The following LGALS8 variants were observed in gnomAD, a reference collection of about 807,000 sequenced individuals.
The protein encoded by LGALS8 is galectin-8.
Under a neutral mutation model 35.9 loss-of-function variants are expected in LGALS8, and 30 were observed. The ratio of observed to expected loss-of-function variants is 0.83; its 90% CI spans 0.62 to 1.13. LGALS8 has a LOEUF of 1.13. Ranked by LOEUF, LGALS8 falls within the 50% of genes most tolerant of loss-of-function variation. The pLI, the probability that LGALS8 is intolerant of heterozygous loss-of-function variation, is 0.00. For missense variants in LGALS8, 366 were observed against 388.7 expected, an observed-to-expected ratio of 0.94 and a Z score of 0.49; for synonymous variants, 138 against 136.1, an observed-to-expected ratio of 1.01 and a Z score of -0.10.
Position 236,548,181 on chromosome 1 carries a change from C to G in LGALS8, c.*20C>G, listed in dbSNP as rs113836554. The G allele has an allele frequency of 8.1e-6, 13 of 1,603,042 alleles. No individual in the cohort carries two copies. In the African/African-American group the frequency reaches 1.5e-4, roughly 18 times the overall value. ...TGGTAGCCTACCTACACAGCTGCTA[C>G]AAAAACCAAAATACAGAATGGCTTC... On this transcript the variant is annotated 3_prime_UTR_variant, in exon 10 of 10. Transcript: ENST00000366584.
chr1:236,532,567 C>T (rs558644269), intron 2 of LGALS8, among the ~76,000 whole-genome samples: 126 of 152,284 alleles, frequency 8.3e-4, no homozygotes, highest in African/African-American at 2.9e-3. Context: ...CCAGGCCAGG[C>T]GCGGTGGCTC....
Position 236,549,098 on chromosome 1 carries a change from C to T in LGALS8, c.*937C>T, listed in dbSNP as rs1000831805. On this transcript the variant is annotated 3_prime_UTR_variant, in exon 10 of 10. Coordinates refer to ENST00000366584, the MANE Select transcript of LGALS8 (RefSeq NM_201544.4). Reference sequence around the variant, plus strand: ...GGCACTATCAGAAAGTGTACGCCAACTAAGGGACCCACAAAGCAGGCAGAG... The same window carrying T: ...GGCACTATCAGAAAGTGTACGCCAATTAAGGGACCCACAAAGCAGGCAGAG... The T allele has an allele frequency of 6.0e-5, 24 of 397,902 alleles. No individual in the cohort carries two copies. The highest frequency in any genetic ancestry group is 6.2e-5 in the Non-Finnish European group (14 of 225,780). The allele number at this position is 397,902 out of a possible 1,614,324, so 24.6% of individuals were successfully genotyped here.
At chr1:236,528,210 G>A (rs993229973) in intron 2 of LGALS8, among the ~76,000 whole-genome samples, 2 of 151,916 alleles carry the variant, frequency 1.3e-5, no homozygotes, top group African/African-American at 2.4e-5. Context: ...GCGAAACTCC[G>A]TCTCTACTTA....
intron 2 of LGALS8, among the ~76,000 whole-genome samples, chr1:236,534,072 T>G (rs1444867872): frequency 6.6e-6 from 1 of 152,228 alleles, no homozygotes; most frequent in Non-Finnish European, 1.5e-5. Flanking sequence ...CATTGTGGCT[T>G]CTTCTTGTCA....
rs762545035 is a variant in LGALS8 at position 236,538,963 on chromosome 1, C to T, written c.219C>T (p.Ala73=). Residue 73 remains alanine, a synonymous_variant, in exon 4 of 10, where the codon GCC becomes GCT. Coordinates refer to ENST00000366584, the MANE Select transcript of LGALS8 (RefSeq NM_201544.4). The part of the protein sequence containing the change: ...AFHFNPRFKR[A]GCIVCNTLIN... ...ATTTCAATCCTCGTTTCAAAAGGGC[C>T]GGCTGCATTGTTTGCAATACTTTGA... The T allele has an allele frequency of 1.2e-5, 19 of 1,613,884 alleles. No homozygotes were observed. Among genetic ancestry groups the T allele is most frequent in the Middle Eastern group, 3.3e-4 (2 of 6,032 alleles).
chr1:236,541,429 C>G (rs1157684431), intron 5 of LGALS8: 4 of 411,346 alleles, frequency 9.7e-6, no homozygotes, highest in Non-Finnish European at 1.3e-5. Flanking sequence ...TTTGCACTCT[C>G]AACAGCCATG....
At chr1:236,520,453 C>T (rs1298288088), upstream of LGALS8, among the ~76,000 whole-genome samples, 1 of 151,736 alleles carries the variant, frequency 6.6e-6, no homozygotes, top group African/African-American at 2.4e-5. Flanking sequence ...TATAATGCTG[C>T]TTCTCCATTC....
At position 236,550,730 on chromosome 1, in the gene LGALS8, A is replaced by C; in HGVS notation, c.*2569A>C. 1 of 555,190 alleles carries C rather than the reference A, an allele frequency of 1.8e-6. No homozygotes were observed. Among genetic ancestry groups the C allele is most frequent in the Non-Finnish European group, 3.2e-6 (1 of 316,756 alleles). The allele number at this position is 555,190 out of a possible 1,614,324, so 34.4% of individuals were successfully genotyped here. A position where few individuals can be genotyped will look rare whatever the true frequency, so the allele number is the denominator to read the frequency against. On this transcript the variant is annotated 3_prime_UTR_variant, in exon 10 of 10. Coordinates refer to ENST00000366584, the MANE Select transcript of LGALS8 (RefSeq NM_201544.4). ...TCTATACGATAGGCAGGAGAGGCTT[A>C]TGTGGCAGCACAAGCCAGGTGGGGA...
At position 236,552,092 on chromosome 1, in the gene LGALS8, A is replaced by C; in HGVS notation, c.*3931A>C. ...TCAGCCAGTGCTAACACAGTAATCA[A>C]AGCAGCAAATCGAACCTGAAAGGGA... is the stretch of plus-strand genomic sequence containing the variant. On this transcript the variant is annotated 3_prime_UTR_variant, in exon 10 of 10. Coordinates refer to ENST00000366584, the MANE Select transcript of LGALS8 (RefSeq NM_201544.4). 1 of 1,611,868 alleles carries C rather than the reference A, an allele frequency of 6.2e-7. No homozygotes were observed. Among genetic ancestry groups the C allele is most frequent in the Middle Eastern group, 1.7e-4 (1 of 6,056 alleles).
rs367816436 is a variant in LGALS8 at position 236,551,029 on chromosome 1, T to G, written c.*2868T>G. The G allele has an allele frequency of 1.4e-6, 2 of 1,466,470 alleles. No individual in the cohort carries two copies. Among genetic ancestry groups the G allele is most frequent in the Non-Finnish European group, 9.3e-7 (1 of 1,080,542 alleles). 90.8% of individuals were successfully genotyped at this position (1,466,470 alleles called of 1,614,324 possible). A position where few individuals can be genotyped will look rare whatever the true frequency, so the allele number is the denominator to read the frequency against. On this transcript the variant is annotated 3_prime_UTR_variant, in exon 10 of 10. Coordinates refer to ENST00000366584, the MANE Select transcript of LGALS8 (RefSeq NM_201544.4). ...AAAAAAATCAAAATTAAAATCTGAG[T>G]CAGTCCGCCTGCCTCGGTTCTCATT...
chr1:236,532,743 C>A (rs946594136), intron 2 of LGALS8, among the ~76,000 whole-genome samples: 2 of 152,182 alleles, frequency 1.3e-5, no homozygotes, highest in African/African-American at 4.8e-5. Flanking sequence ...ATTCAGGAGG[C>A]TGAGGCAGGA....
At chr1:236,541,564 C>A (rs1268874589) in intron 5 of LGALS8, 90 bp from the exon 6 acceptor site, 2 of 657,426 alleles carry the variant, frequency 3.0e-6, no homozygotes, top group Non-Finnish European at 5.1e-6. Context: ...TTTTTAGTAC[C>A]ATTTATAATT....
At position 236,544,729 on chromosome 1, in the gene LGALS8, TTTTTC is replaced by T. The variant is rs749714109; in HGVS notation, c.639-17_639-13del. 35 of 1,571,310 alleles carry T rather than the reference TTTTTC, an allele frequency of 2.2e-5. No homozygotes were observed. Among genetic ancestry groups the T allele is most frequent in the Middle Eastern group, 1.7e-4 (1 of 5,816 alleles). On this transcript the variant is annotated splice_polypyrimidine_tract_variant and intron_variant, in intron 8 of 9. Coordinates refer to ENST00000366584, the MANE Select transcript of LGALS8 (RefSeq NM_201544.4). ...CCTACTTGGTTAATTAAGGTTTTTTTTTTTCTTTCTTTCTCAAAAGCTTTAATGTT... is the reference window on the plus strand; with the variant it reads ...CCTACTTGGTTAATTAAGGTTTTTTTTTTCTTTCTCAAAAGCTTTAATGTT...
upstream of LGALS8, among the ~76,000 whole-genome samples, chr1:236,521,456 TCA>T (rs1660547016): frequency 6.6e-6 from 1 of 152,078 alleles, no homozygotes; most frequent in Admixed American, 6.6e-5. Context: ...GGAGATGAAA[TCA>T]CAGTGTGTGA....
chr1:236,551,952 G>C lies in LGALS8; in HGVS notation c.*3791G>C. On this transcript the variant is annotated 3_prime_UTR_variant, in exon 10 of 10. Coordinates refer to ENST00000366584, the MANE Select transcript of LGALS8 (RefSeq NM_201544.4). ...GGGCACATTTTCACAGAATTTTACT[G>C]AATTATTCCTTAATTGTTTAATGGT... The C allele has an allele frequency of 1.6e-6, 2 of 1,264,132 alleles. No homozygotes were observed. The highest frequency in any genetic ancestry group is 1.5e-5 in the African/African-American group (1 of 68,224). 78.3% of individuals were successfully genotyped at this position (1,264,132 alleles called of 1,614,324 possible). A position where few individuals can be genotyped will look rare whatever the true frequency, so the allele number is the denominator to read the frequency against.
At chr1:236,531,095 A>T (rs1661115714) in intron 2 of LGALS8, among the ~76,000 whole-genome samples, 1 of 152,182 alleles carries the variant, frequency 6.6e-6, no homozygotes, top group African/African-American at 2.4e-5. Context: ...CATTTTATTT[A>T]GAACTTCCTC....
rs142600375 is a variant in LGALS8, at chr1:236,541,804, T to A, written c.522+94T>A. The A allele has an allele frequency of 1.4e-3, 879 of 624,028 alleles. 10 individuals carry two copies. The African/African-American group carries it at 0.015, about 11-fold the overall frequency. The allele number at this position is 624,028 out of a possible 1,614,324, so 38.7% of individuals were successfully genotyped here. ...GGCAAGAAGGCTGGGTTTTTGAAAATTATGCTTTTAGAACGCAAGTAATCA... is the reference window on the plus strand; with the variant it reads ...GGCAAGAAGGCTGGGTTTTTGAAAAATATGCTTTTAGAACGCAAGTAATCA... On this transcript the variant is annotated intron_variant, in intron 6 of 9. Transcript: ENST00000366584.
rs1332382717 is a variant in LGALS8, at chr1:236,549,543, C to A, written c.*1382C>A. On this transcript the variant is annotated 3_prime_UTR_variant, in exon 10 of 10. Coordinates refer to ENST00000366584, the MANE Select transcript of LGALS8 (RefSeq NM_201544.4). The stretch of plus-strand genomic sequence containing the variant: ...TGTCAATCTTATTTTTTTAAAAGTA[C>A]TCAGTGTAGAAATCGCTAGCCCTTA... 6.6e-6 allele frequency: 1 copy of A among 152,182 alleles called. No homozygotes were observed. The highest frequency in any genetic ancestry group is 1.5e-5 in the Non-Finnish European group (1 of 68,040). 9.4% of individuals were successfully genotyped at this position (152,182 alleles called of 1,614,324 possible). A position where few individuals can be genotyped will look rare whatever the true frequency, so the allele number is the denominator to read the frequency against.
Position 236,552,056 on chromosome 1 carries a change from C to G in LGALS8, c.*3895C>G. 6.2e-7 allele frequency: 1 copy of G among 1,613,762 alleles called. No individual in the cohort carries two copies. The highest frequency in any genetic ancestry group is 8.5e-7 in the Non-Finnish European group (1 of 1,179,868). On this transcript the variant is annotated 3_prime_UTR_variant, in exon 10 of 10. Transcript: ENST00000366584. ...TCTGGTAGCAAGACAATATAATTCT[C>G]CTTTAGTTTTTCAGCCAGTGCTAAC...
Sources: gnomAD v4.1 joint callset for allele counts (sites outside exome capture counted in the v4.1 genomes callset) on GRCh38, gnomAD v4.1.1 for gene constraint, MANE v1.5 for transcripts, NCBI Gene and HGNC (gene_info 2026-07-23, HGNC 2026-07-21) for gene names.